Variants in CREBBP observed in about 807,000 individuals in gnomAD.
CREBBP encodes CREB-binding protein.
In CREBBP, 19 loss-of-function variants were observed where a neutral mutation model predicts 265.0. The ratio of observed to expected loss-of-function variants is 0.07; its 90% CI spans 0.05 to 0.11. CREBBP has a LOEUF of 0.11. Among genes scored for constraint, CREBBP ranks in the 10% least tolerant of loss-of-function variants. The pLI, the probability that CREBBP is intolerant of heterozygous loss-of-function variation, is 1.00. For synonymous variants in CREBBP, 1,457 were observed against 1,223.7 expected, an observed-to-expected ratio of 1.19 and a Z score of -3.98; for missense variants, 2,525 against 3,219.0, an observed-to-expected ratio of 0.78 and a Z score of 5.22.
rs139981850 is a variant in CREBBP, at chr16:3,739,594, G to A, written c.4264C>T (p.Pro1422Ser). ...GAAAACTACCTCGTGTTTGGAGGGG[G>A]GCAATCAGAGCCGTATTCTTGGACG... ...MHVQEYGSDCPPPNTRRVYIS... is the reference protein window; with the variant it reads ...MHVQEYGSDCSPPNTRRVYIS... The change falls in exon 25 of 31, where the codon CCC (proline) becomes TCC (serine). Residue 1422 changes from proline to serine, a missense_variant. Pro to Ser is a moderately conservative substitution (Grantham distance 74, BLOSUM62 -1). Around this residue, in one of 19 missense-constraint regions of CREBBP, gnomAD observed 252 missense variants for 452.5 expected, o/e 0.56. Transcript: ENST00000262367. 1 of 1,614,170 alleles carries A rather than the reference G, an allele frequency of 6.2e-7. No individual in the cohort carries two copies.
intron 26 of CREBBP, among the ~76,000 whole-genome samples, chr16:3,738,205 G>C (rs926770962): frequency 6.6e-6 from 1 of 151,548 alleles, no homozygotes; most frequent in Non-Finnish European, 1.5e-5. Context: ...ACAATGTTCT[G>C]AAACTGACTT....
intron 24 of CREBBP, 99 bp downstream of exon 24, chr16:3,740,300 G>A: frequency 6.8e-7 from 1 of 1,476,936 alleles, no homozygotes. Flanking sequence ...CAAAGTCTTG[G>A]AAGGATGACC....
At chr16:3,848,314 T>C (rs1036942323) in intron 2 of CREBBP, among the ~76,000 whole-genome samples, 1 of 152,220 alleles carries the variant, frequency 6.6e-6, no homozygotes, top group East Asian at 1.9e-4. Flanking sequence ...AACTTCTACA[T>C]ACATGTTATC....
At chr16:3,737,868 C>G (rs909006242) in intron 26 of CREBBP, among the ~76,000 whole-genome samples, 1 of 151,838 alleles carries the variant, frequency 6.6e-6, no homozygotes, top group Non-Finnish European at 1.5e-5. Context: ...CTCACTGCAA[C>G]CCCCCGCCTC....
chr16:3,858,345 A>C (rs955249466), intron 1 of CREBBP, among the ~76,000 whole-genome samples: 14 of 151,978 alleles, frequency 9.2e-5, no homozygotes, highest in African/African-American at 2.9e-4. Context: ...CTTCCATAAT[A>C]CCTTATTTTC....
chr16:3,849,467 GTGTGTGTGTGTGTGTGT>G (rs1380818236), intron 2 of CREBBP, among the ~76,000 whole-genome samples: 9 of 130,354 alleles, frequency 6.9e-5, no homozygotes, highest in Non-Finnish European at 1.3e-4. Flanking sequence ...GTGTGTGTGT[GTGTGTGTGTGTGTGTGT>G]GTGTGATGTG....
chr16:3,749,132 G>A (rs1241173335), intron 21 of CREBBP, among the ~76,000 whole-genome samples: 1 of 152,222 alleles, frequency 6.6e-6, no homozygotes, highest in Non-Finnish European at 1.5e-5. Flanking sequence ...CGGGGACAGA[G>A]CGAGACTGTC....
chr16:3,830,699 C>CA (rs1205357298), intron 2 of CREBBP, among the ~76,000 whole-genome samples: 1 of 151,986 alleles, frequency 6.6e-6, no homozygotes, highest in Non-Finnish European at 1.5e-5. Context: ...ACCAATAGAA[C>CA]AAAAAAATCA....
chr16:3,740,706 G>A (rs535816817), intron 23 of CREBBP, 157 bp from the exon 24 acceptor site: 12 of 906,840 alleles, frequency 1.3e-5, no homozygotes, highest in Admixed American at 1.2e-4. Flanking sequence ...CCTGTGACAC[G>A]AGTGTTATAT....
At chr16:3,787,636 TTTTTGTTTTGTTTTGGTTTTTTG>T (rs1809422529) in intron 5 of CREBBP, among the ~76,000 whole-genome samples, 1 of 149,528 alleles carries the variant, frequency 6.7e-6, no homozygotes, top group African/African-American at 2.4e-5. Context: ...GAGGTTTTTT[TTTTTGTTTTGTTTTGGTTTTTTG>T]TTTTGTTTTG....
At chr16:3,798,846 G>T (rs905856875) in intron 3 of CREBBP, among the ~76,000 whole-genome samples, 1 of 152,262 alleles carries the variant, frequency 6.6e-6, no homozygotes, top group East Asian at 1.9e-4. Context: ...ACAACCAAAA[G>T]AACTGAAAAT....
chr16:3,801,882 G>A (rs1465027560), intron 3 of CREBBP, among the ~76,000 whole-genome samples: 3 of 152,026 alleles, frequency 2.0e-5, no homozygotes, highest in Non-Finnish European at 2.9e-5. Context: ...GAGCCATACT[G>A]GTTTAAACCT....
intron 3 of CREBBP, among the ~76,000 whole-genome samples, chr16:3,808,666 T>C (rs1184026050): frequency 6.6e-6 from 1 of 151,896 alleles, no homozygotes; most frequent in Non-Finnish European, 1.5e-5. Context: ...AAGTTGTAGA[T>C]AAAGGAGAGG....
At chr16:3,870,689 C>G (rs527780075) in intron 1 of CREBBP, among the ~76,000 whole-genome samples, 5 of 152,296 alleles carry the variant, frequency 3.3e-5, no homozygotes, top group African/African-American at 4.8e-5. Flanking sequence ...CCCATGTATT[C>G]AGTGAGAAGC....
chr16:3,812,710 C>G (rs1476092810), intron 2 of CREBBP, among the ~76,000 whole-genome samples: 1 of 152,120 alleles, frequency 6.6e-6, no homozygotes, highest in African/African-American at 2.4e-5. Context: ...CAGTGCTTAT[C>G]TTTCTCCCTG....
chr16:3,763,665 T>C (rs1438866730), intron 16 of CREBBP, among the ~76,000 whole-genome samples: 1 of 152,198 alleles, frequency 6.6e-6, no homozygotes, highest in East Asian at 1.9e-4. Flanking sequence ...GGTTTCGCCA[T>C]GTTGGCCAGG....
At chr16:3,761,207 C>T (rs2052709990) in intron 16 of CREBBP, among the ~76,000 whole-genome samples, 1 of 152,146 alleles carries the variant, frequency 6.6e-6, no homozygotes, top group South Asian at 2.1e-4. Context: ...GATCTGCTTG[C>T]CTCAGCCTCC....
rs1408844707 is a variant in CREBBP at position 3,729,340 on chromosome 16, G to A, written c.5707C>T (p.Pro1903Ser). 5.0e-6 allele frequency: 8 copies of A among 1,589,796 alleles called. No homozygotes were observed. Among genetic ancestry groups the A allele is most frequent in the Non-Finnish European group, 6.8e-6 (8 of 1,172,572 alleles). The change falls in exon 31 of 31, where the codon CCG (proline) becomes TCG (serine). Residue 1903 changes from proline (P) to serine (S), a missense_variant. Coordinates refer to ENST00000262367, the MANE Select transcript of CREBBP (RefSeq NM_004380.3). The stretch of plus-strand genomic sequence containing the variant: ...GGTTGGGGCTGGGCAGGGGGCTGCG[G>A]CGTCTGGGGTGTGCTGGGCTGCTGT... ...PTQQPSTPQT[P>S]QPPAQPQPSP...
intron 2 of CREBBP, among the ~76,000 whole-genome samples, chr16:3,834,170 A>C (rs574770189): frequency 1.3e-5 from 2 of 152,224 alleles, no homozygotes; most frequent in South Asian, 4.1e-4. Context: ...ACTGGTGGGA[A>C]TGTAAAATGA....
Sources: allele counts gnomAD v4.1 joint callset (sites outside exome capture counted in the v4.1 genomes callset), GRCh38; gene constraint gnomAD v4.1.1; regional missense constraint gnomAD v4.1.1; transcripts MANE v1.5; gene names NCBI Gene and HGNC (gene_info 2026-07-23, HGNC 2026-07-21).